The following CSTPP1 variants were observed in gnomAD, a reference collection of about 807,000 sequenced individuals.
CSTPP1 encodes centriolar satellite-associated tubulin polyglutamylase complex regulator 1.
At chr11:47,017,468 C>T in the CSTPP1 span, among the ~76,000 whole-genome samples, 300 of 152,018 alleles carry the variant, frequency 2.0e-3, 1 homozygote, top group Middle Eastern at 3.4e-3. Flanking sequence ...CCACAGTGCC[C>T]GACCAGTTCT....
At chr11:47,057,584 C>T in the CSTPP1 span, among the ~76,000 whole-genome samples, 1 of 152,034 alleles carries the variant, frequency 6.6e-6, no homozygotes, top group South Asian at 2.1e-4. Flanking sequence ...AGCCAGTTTC[C>T]AAGCAACAGT....
At chr11:47,023,303 A>G in the CSTPP1 span, 3 of 153,472 alleles carry the variant, frequency 2.0e-5, no homozygotes, top group African/African-American at 7.2e-5. Flanking sequence ...ATGTTAGAAA[A>G]TATTTAAGAT....
chr11:47,125,710 T>A, the CSTPP1 span, among the ~76,000 whole-genome samples: 1 of 152,166 alleles, frequency 6.6e-6, no homozygotes, highest in Non-Finnish European at 1.5e-5. Flanking sequence ...AGCCTGATTT[T>A]AAATTGCAAA....
the CSTPP1 span, among the ~76,000 whole-genome samples, chr11:47,051,518 G>C: frequency 6.6e-6 from 1 of 151,584 alleles, no homozygotes; most frequent in African/African-American, 2.4e-5. Flanking sequence ...TTCTTGTTCT[G>C]TTTGGACCCT....
chr11:46,997,283 T>C, the CSTPP1 span, among the ~76,000 whole-genome samples: 1 of 152,348 alleles, frequency 6.6e-6, no homozygotes, highest in Admixed American at 6.5e-5. Flanking sequence ...TAAACTTCTC[T>C]TCTTGCTTCA....
the CSTPP1 span, among the ~76,000 whole-genome samples, chr11:47,082,186 A>C: frequency 1.1e-4 from 16 of 151,474 alleles, no homozygotes; most frequent in African/African-American, 2.9e-4. Flanking sequence ...ACAAAAACAC[A>C]AACATGAAGA....
the CSTPP1 span, among the ~76,000 whole-genome samples, chr11:47,144,151 A>C: frequency 1.3e-5 from 2 of 152,180 alleles, no homozygotes; most frequent in Admixed American, 6.5e-5. Flanking sequence ...ACACCAACAA[A>C]ACCATGAACA....
chr11:46,964,378 C>T, the CSTPP1 span, among the ~76,000 whole-genome samples: 1 of 152,038 alleles, frequency 6.6e-6, no homozygotes, highest in Non-Finnish European at 1.5e-5. Context: ...CTCCGCCTCC[C>T]GGGTTCACGC....
At chr11:47,000,700 G>A in the CSTPP1 span, among the ~76,000 whole-genome samples, 1 of 152,062 alleles carries the variant, frequency 6.6e-6, no homozygotes, top group Non-Finnish European at 1.5e-5. Context: ...CTATGCAATG[G>A]GAATAGAGCA....
the CSTPP1 span, among the ~76,000 whole-genome samples, chr11:46,971,984 C>T: frequency 6.6e-6 from 1 of 152,188 alleles, no homozygotes; most frequent in Non-Finnish European, 1.5e-5. Context: ...AGATTGCCAT[C>T]AGCTTCATCC....
At chr11:47,003,550 C>G in the CSTPP1 span, among the ~76,000 whole-genome samples, 1 of 152,206 alleles carries the variant, frequency 6.6e-6, no homozygotes, top group Non-Finnish European at 1.5e-5. Flanking sequence ...CTCCAAAAAA[C>G]AAATTGTCTC....
At chr11:47,037,961 G>C in the CSTPP1 span, among the ~76,000 whole-genome samples, 1 of 118,034 alleles carries the variant, frequency 8.5e-6, no homozygotes, top group East Asian at 2.3e-4. Context: ...CAGTAGGGGC[G>C]GCCGGGCAGA....
At chr11:47,033,365 G>A in the CSTPP1 span, among the ~76,000 whole-genome samples, 2 of 152,230 alleles carry the variant, frequency 1.3e-5, no homozygotes, top group East Asian at 3.9e-4. Flanking sequence ...TGAATAGTTG[G>A]AACTCTTCTG....
chr11:47,129,304 G>A, the CSTPP1 span, among the ~76,000 whole-genome samples: 1 of 152,152 alleles, frequency 6.6e-6, no homozygotes, highest in Non-Finnish European at 1.5e-5. Flanking sequence ...GGCTGCCGGA[G>A]CCTTTGAGAG....
At chr11:47,086,240 A>C in the CSTPP1 span, among the ~76,000 whole-genome samples, 2,518 of 140,782 alleles carry the variant, frequency 0.018, 76 homozygotes, top group Non-Finnish European at 0.024. Flanking sequence ...AATCCAAAAA[A>C]AAAAAAAAAA....
the CSTPP1 span, among the ~76,000 whole-genome samples, chr11:47,147,467 C>T: frequency 6.6e-6 from 1 of 152,220 alleles, no homozygotes; most frequent in African/African-American, 2.4e-5. Flanking sequence ...GGTCTGTGGA[C>T]CAGTTCACCC....
the CSTPP1 span, among the ~76,000 whole-genome samples, chr11:47,039,330 G>C: frequency 7.8e-6 from 1 of 127,786 alleles, no homozygotes; most frequent in South Asian, 2.5e-4. Context: ...GCGAAACCCC[G>C]TCTCCACCAA....
At chr11:47,009,432 A>G in the CSTPP1 span, among the ~76,000 whole-genome samples, 1 of 152,232 alleles carries the variant, frequency 6.6e-6, no homozygotes, top group Non-Finnish European at 1.5e-5. Context: ...CAAGGTAAAA[A>G]GCAACAAACA....
At chr11:47,006,385 T>C in the CSTPP1 span, among the ~76,000 whole-genome samples, 1 of 152,160 alleles carries the variant, frequency 6.6e-6, no homozygotes, top group South Asian at 2.1e-4. Context: ...AATCTCTGGA[T>C]GGTTTTTGGA....
Sources: allele counts gnomAD v4.1 joint callset (sites outside exome capture counted in the v4.1 genomes callset), GRCh38; gene constraint gnomAD v4.1.1; transcripts MANE v1.5; gene names NCBI Gene and HGNC (gene_info 2026-07-23, HGNC 2026-07-21).